CMYA5: variants seen among roughly 807,000 people sequenced by gnomAD.
The protein encoded by CMYA5 is cardiomyopathy associated 5.
CMYA5 carries 246 observed loss-of-function variants against 318.9 expected under a neutral mutation model. That is an observed-to-expected ratio of 0.77 (90% CI 0.70 to 0.86). The LOEUF (loss-of-function observed/expected upper bound fraction) is 0.86. Among genes scored for constraint, CMYA5 ranks in the 40% least tolerant of loss-of-function variants. CMYA5 has a pLI of 0.00. For missense variants in CMYA5, 4,589 were observed against 4,678.2 expected (o/e 0.98, Z 0.56); for synonymous variants, 1,641 against 1,729.5 (o/e 0.95, Z 1.27).
chr5:79,701,554 A>G (rs1428444888), intron 1 of CMYA5, among the ~76,000 whole-genome samples: 1 of 152,218 alleles, frequency 6.6e-6, no homozygotes, highest in African/African-American at 2.4e-5. Flanking sequence ...ACTTTCTAAG[A>G]TGGCAAAGAC....
chr5:79,755,583 G>A (rs7713390), intron 6 of CMYA5, among the ~76,000 whole-genome samples: 4,692 of 152,162 alleles, frequency 0.031, 237 homozygotes, highest in African/African-American at 0.11. Context: ...CACTGCGCCC[G>A]GCCAGCATCA....
chr5:79,757,807 T>A (rs536463846), intron 6 of CMYA5, among the ~76,000 whole-genome samples: 1 of 152,268 alleles, frequency 6.6e-6, no homozygotes, highest in African/African-American at 2.4e-5. Flanking sequence ...TATAGGACTG[T>A]AGAAGAGTAT....
At position 79,732,422 on chromosome 5, in the gene CMYA5, T is replaced by G. The variant is rs749848176; in HGVS notation, c.3657T>G (p.His1219Gln). ...CTGATTCTCAAGAAGCTACAGCACA[T>G]GTATCACAGGATCAAAAAATGGAGC... ...IVPDSQEATA[H>Q]VSQDQKMEPQ... The change falls in exon 2 of 13, where the codon CAT becomes CAG. Residue 1219 changes from histidine (H) to glutamine (Q), a missense_variant. Physicochemically the swap from His to Gln is conservative, Grantham distance 24. Transcript: ENST00000446378. 10 of 1,613,670 alleles carry G rather than the reference T, an allele frequency of 6.2e-6. No individual in the cohort carries two copies. Among genetic ancestry groups the G allele is most frequent in the African/African-American group, 1.3e-5 (1 of 75,044 alleles).
At chr5:79,710,958 T>C (rs1580751674) in intron 1 of CMYA5, among the ~76,000 whole-genome samples, 1 of 152,184 alleles carries the variant, frequency 6.6e-6, no homozygotes, top group South Asian at 2.1e-4. Flanking sequence ...CTTATAACAA[T>C]GATTTTGGGG....
intron 9 of CMYA5, among the ~76,000 whole-genome samples, chr5:79,772,401 G>A (rs1190087320): frequency 6.6e-6 from 1 of 152,168 alleles, no homozygotes; most frequent in Non-Finnish European, 1.5e-5. Flanking sequence ...GGTTAGATCT[G>A]GAGTTGCTTT....
intron 2 of CMYA5, among the ~76,000 whole-genome samples, chr5:79,740,383 T>G (rs1462012257): frequency 6.6e-6 from 1 of 152,226 alleles, no homozygotes; most frequent in African/African-American, 2.4e-5. Flanking sequence ...AATTTGAAAT[T>G]TAAAAAATTA....
intron 12 of CMYA5, among the ~76,000 whole-genome samples, chr5:79,796,090 C>T (rs538526748): frequency 6.6e-4 from 90 of 136,506 alleles, no homozygotes; most frequent in South Asian, 2.3e-4. Context: ...CCCTACTTGG[C>T]CTCCCAGGTA....
chr5:79,792,854 T>C (rs1829203355), intron 11 of CMYA5, among the ~76,000 whole-genome samples: 1 of 152,180 alleles, frequency 6.6e-6, no homozygotes, highest in Non-Finnish European at 1.5e-5. Context: ...CCTACTACAG[T>C]TCAAAGAGGC....
In CMYA5 at chr5:79,735,040, G is replaced by T. The variant is rs143150177; in HGVS notation, c.6275G>T (p.Ser2092Ile). ...GGCAATGAAAAAGAAGCACACAGGA[G>T]CACACCTCCTTTTCCTGAAGAGAAG... ...ALGNEKEAHR[S>I]TPPFPEEKPL... Residue 2092 changes from serine (S) to isoleucine (I), a missense_variant, in exon 2 of 13, where the codon AGC (serine) becomes ATC (isoleucine). By Grantham distance (142) the Ser-to-Ile change is moderately radical. Transcript: ENST00000446378. 77 of 1,613,816 alleles carry T rather than the reference G, an allele frequency of 4.8e-5. No individual in the cohort carries two copies. In the East Asian group the frequency reaches 1.4e-3, roughly 29 times the overall value.
At chr5:79,740,587 T>G (rs1357311307) in intron 2 of CMYA5, among the ~76,000 whole-genome samples, 1 of 152,200 alleles carries the variant, frequency 6.6e-6, no homozygotes, top group Non-Finnish European at 1.5e-5. Flanking sequence ...AAGCAGAAAT[T>G]TTTTTGCATT....
chr5:79,745,542 G>C, intron 4 of CMYA5, 87 bp downstream of exon 4: 1 of 836,030 alleles, frequency 1.2e-6, no homozygotes, highest in African/African-American at 1.7e-5. Flanking sequence ...TATTCCTTAA[G>C]ATTATTTATA....
Position 79,745,209 on chromosome 5 carries a change from T to C in CMYA5, c.10735-13T>C. The stretch of plus-strand genomic sequence containing the variant: ...TCATTCAGAAGTGGGCTTTTTTGCT[T>C]GTTTGTTTTCAGGAAAACTGTAGTA... On this transcript the variant is annotated splice_polypyrimidine_tract_variant and intron_variant, in intron 3 of 12. Coordinates refer to ENST00000446378, the MANE Select transcript of CMYA5 (RefSeq NM_153610.5). The C allele has an allele frequency of 1.3e-6, 2 of 1,520,196 alleles. No homozygotes were observed. The highest frequency in any genetic ancestry group is 1.8e-6 in the Non-Finnish European group (2 of 1,122,984). The allele number at this position is 1,520,196 out of a possible 1,614,324, so 94.2% of individuals were successfully genotyped here.
At position 79,769,720 on chromosome 5, in the gene CMYA5, G is replaced by A. The variant is rs184203708; in HGVS notation, c.11555+6511G>A. On this transcript the variant is annotated intron_variant, in intron 9 of 12. Transcript: ENST00000446378. ...GCCAGATGCCAGCTGGAGTTCTCTC[G>A]TATGAGGTGTCTGTAGACCCCTGCT... Among the ~76,000 whole-genome samples, 427 of 152,278 alleles carry A rather than the reference G, an allele frequency of 2.8e-3. 3 individuals carry two copies. The highest frequency in any genetic ancestry group is 4.8e-3 in the Non-Finnish European group (324 of 68,030).
At position 79,734,275 on chromosome 5, in the gene CMYA5, C is replaced by T; in HGVS notation, c.5510C>T (p.Pro1837Leu). The T allele has an allele frequency of 6.2e-7, 1 of 1,613,388 alleles. No homozygotes were observed. Among genetic ancestry groups the T allele is most frequent in the Non-Finnish European group, 8.5e-7 (1 of 1,179,698 alleles). The change falls in exon 2 of 13, where the codon CCT becomes CTT. Residue 1837 changes from proline (P) to leucine (L), a missense_variant. By Grantham distance (98) the Pro-to-Leu change is moderately conservative. Around this residue, in one of 3 missense-constraint regions of CMYA5, gnomAD observed 2,132 missense variants for 2,131.3 expected, o/e 1.00. Coordinates refer to ENST00000446378, the MANE Select transcript of CMYA5 (RefSeq NM_153610.5). ...CATTCAGATCAAACTGTTAAATTAC[C>T]TGATGTAAGCACCTCTTCTGAAGAT... ...ALHSDQTVKL[P>L]DVSTSSEDKQ...
rs1232404161 is a variant in CMYA5 at position 79,690,059 on chromosome 5, A to G, written c.149+3A>G. 12 of 1,434,606 alleles carry G rather than the reference A, an allele frequency of 8.4e-6. No homozygotes were observed. Among genetic ancestry groups the G allele is most frequent in the Non-Finnish European group, 1.1e-5 (12 of 1,090,852 alleles). The allele number at this position is 1,434,606 out of a possible 1,614,324, so 88.9% of individuals were successfully genotyped here. On this transcript the variant is annotated splice_donor_region_variant and intron_variant, in intron 1 of 12. Coordinates refer to ENST00000446378, the MANE Select transcript of CMYA5 (RefSeq NM_153610.5). Reference sequence around the variant, plus strand: ...TCGGAGGAGGAGCCGGACTCCAGGTAGCGCGAGCCTCTCTCCTCGGCCCAG... The same window carrying G: ...TCGGAGGAGGAGCCGGACTCCAGGTGGCGCGAGCCTCTCTCCTCGGCCCAG...
Position 79,735,799 on chromosome 5 carries a change from G to T in CMYA5, c.7034G>T (p.Arg2345Ile). The T allele has an allele frequency of 6.4e-7, 1 of 1,551,410 alleles. No homozygotes were observed. Among genetic ancestry groups the T allele is most frequent in the East Asian group, 2.2e-5 (1 of 44,590 alleles). The change falls in exon 2 of 13, where the codon AGA (arginine) becomes ATA (isoleucine). Residue 2345 changes from arginine to isoleucine, a missense_variant. Physicochemically the swap from Arg to Ile is moderately conservative, Grantham distance 97. Around this residue, in one of 3 missense-constraint regions of CMYA5, gnomAD observed 2,431 missense variants for 2,495.1 expected, o/e 0.97. Transcript: ENST00000446378. ...IVPPHVTDSK[R>I]VQKPAIAPPS... is the part of the protein sequence containing the mutation. ...CCTCCTCATGTTACTGATAGTAAAA[G>T]AGTCCAGAAGCCAGCAATCGCTCCT...
At chr5:79,747,013 T>C in intron 4 of CMYA5, 78 bp from the exon 5 acceptor site, 1 of 880,168 alleles carries the variant, frequency 1.1e-6, no homozygotes, top group Non-Finnish European at 1.8e-6. Context: ...TTCTTTCTGT[T>C]GTTAATTAGC....
intron 5 of CMYA5, 27 bp downstream of exon 5, chr5:79,747,140 G>T: frequency 6.5e-7 from 1 of 1,534,822 alleles, no homozygotes; most frequent in Non-Finnish European, 8.8e-7. Flanking sequence ...ACAATGTAGT[G>T]GCAAACAGCA....
chr5:79,737,832 GA>G lies in CMYA5; in HGVS notation c.9070del (p.Thr3024LeufsTer35), dbSNP rs1828115159. On this transcript the variant is annotated frameshift_variant, in exon 2 of 13. Transcript: ENST00000446378. LOFTEE classifies it high-confidence loss of function. ...VTPLKENKQKETHKTKEEIST... is the reference protein window; with the variant it reads ...VTPLKENKQKXTHKTKEEIST... ...CCCATTGAAAGAAAATAAACAAAAG[GA>G]AACTCATAAGACAAAAGAAGAGATA... is the stretch of plus-strand genomic sequence containing the variant. 1 of 1,604,354 alleles carries G rather than the reference GA, an allele frequency of 6.2e-7. No homozygotes were observed. The highest frequency in any genetic ancestry group is 8.5e-7 in the Non-Finnish European group (1 of 1,177,584).
Sources: gnomAD v4.1 joint callset for allele counts (sites outside exome capture counted in the v4.1 genomes callset) on GRCh38, gnomAD v4.1.1 for gene constraint, gnomAD v4.1.1 regional missense constraint, MANE v1.5 for transcripts, NCBI Gene and HGNC (gene_info 2026-07-23, HGNC 2026-07-21) for gene names.